ZNF708: variants seen among roughly 807,000 people sequenced by gnomAD.
ZNF708 encodes zinc finger protein 708.
In ZNF708, 44 loss-of-function variants were observed where a neutral mutation model predicts 47.0. The ratio of observed to expected loss-of-function variants is 0.94; its 90% CI spans 0.74 to 1.20. The LOEUF (loss-of-function observed/expected upper bound fraction) is 1.20, where lower values mean the gene tolerates loss of function less well. Ranked by LOEUF, ZNF708 falls within the 50% of genes most tolerant of loss-of-function variation. The pLI is 0.00. For missense variants in ZNF708, 557 were observed against 656.0 expected, an observed-to-expected ratio of 0.85 and a Z score of 1.65; for synonymous variants, 184 against 218.5, an observed-to-expected ratio of 0.84 and a Z score of 1.39.
At position 21,298,478 on chromosome 19, in the gene ZNF708, G is replaced by A. The variant is rs112513457; in HGVS notation, c.227-3739C>T. Among the ~76,000 whole-genome samples the A allele has an allele frequency of 6.6e-3, 992 of 150,758 alleles. 19 individuals carry two copies. The highest frequency in any genetic ancestry group is 0.022 in the African/African-American group (913 of 40,996). On this transcript the variant is annotated intron_variant, in intron 3 of 3. Transcript: ENST00000356929. Reference sequence around the variant, plus strand: ...TGTGTAGATGTCCATGCTGCTGAATGTAATCTAGAGATTTAATGTAATGTC... The same window carrying A: ...TGTGTAGATGTCCATGCTGCTGAATATAATCTAGAGATTTAATGTAATGTC...
intron 1 of ZNF708, among the ~76,000 whole-genome samples, chr19:21,314,391 G>GTATTAT (rs78560009): frequency 6.6e-6 from 1 of 151,940 alleles, no homozygotes; most frequent in African/African-American, 2.4e-5. Flanking sequence ...AGATAAATAT[G>GTATTAT]TATTATTAGC....
At position 21,297,513 on chromosome 19, in the gene ZNF708, A is replaced by G. The variant is rs536947185; in HGVS notation, c.227-2774T>C. Among the ~76,000 whole-genome samples, 124 of 151,482 alleles carry G rather than the reference A, an allele frequency of 8.2e-4. 1 individual carries two copies. Among genetic ancestry groups the G allele is most frequent in the African/African-American group, 2.7e-3 (114 of 41,462 alleles). On this transcript the variant is annotated intron_variant, in intron 3 of 3. Transcript: ENST00000356929. Reference sequence around the variant, plus strand: ...GAAAATAAGAAAGAAGTGAAAGCATATTAATACAAAAACCAAAGGACACAA... The same window carrying G: ...GAAAATAAGAAAGAAGTGAAAGCATGTTAATACAAAAACCAAAGGACACAA...
In ZNF708 at chr19:21,297,960, A is replaced by AGTGT. The variant is rs66590988; in HGVS notation, c.227-3225_227-3222dup. On this transcript the variant is annotated intron_variant, in intron 3 of 3. Transcript: ENST00000356929. ...TTTCATTTACTGGGAACAAATGACT[A>AGTGT]GTGTGTGTGTGTGTGTGTGTGTGTG... Among the ~76,000 whole-genome samples the AGTGT allele has an allele frequency of 5.3e-3, 800 of 149,944 alleles. 4 individuals carry two copies. The highest frequency in any genetic ancestry group is 9.6e-3 in the African/African-American group (392 of 40,956).
rs1228846162 is a variant in ZNF708, at chr19:21,293,142, A to G, written c.*132T>C. On this transcript the variant is annotated 3_prime_UTR_variant, in exon 4 of 4. Coordinates refer to ENST00000356929, the MANE Select transcript of ZNF708 (RefSeq NM_021269.3). ...GTAGGGTTTCTCTCTAGTATGAATT[A>G]TCTTTTGTTTCATAAGGATTAAGAG... The G allele has an allele frequency of 5.3e-6, 6 of 1,131,878 alleles. No homozygotes were observed. In the East Asian group the frequency reaches 1.4e-4, roughly 27 times the overall value. 70.1% of individuals were successfully genotyped at this position (1,131,878 alleles called of 1,614,324 possible). A position where few individuals can be genotyped will look rare whatever the true frequency, so the allele number is the denominator to read the frequency against.
intron 2 of ZNF708, among the ~76,000 whole-genome samples, chr19:21,310,227 C>A (rs1395674419): frequency 6.6e-6 from 1 of 151,774 alleles, no homozygotes; most frequent in Non-Finnish European, 1.5e-5. Flanking sequence ...CGGGCAGACC[C>A]TGAGGTCAGG....
At chr19:21,306,266 C>A (rs183775983) in intron 3 of ZNF708, among the ~76,000 whole-genome samples, 3 of 151,662 alleles carry the variant, frequency 2.0e-5, no homozygotes. Context: ...CACATCAAAA[C>A]AAAAATTCAA....
At chr19:21,308,707 C>A (rs535103293) in intron 3 of ZNF708, among the ~76,000 whole-genome samples, 1 of 152,070 alleles carries the variant, frequency 6.6e-6, no homozygotes, top group South Asian at 2.1e-4. Flanking sequence ...CACTGCCCCC[C>A]CAGCCAAAAC....
chr19:21,329,201 C>T lies in ZNF708; in HGVS notation c.3+9G>A, dbSNP rs759509895. ...TCCCCTCTCTCGGGATGTCGGACGGCACTCTCACCATTTCTAGGCTTCCAG... is the reference window on the plus strand; with the variant it reads ...TCCCCTCTCTCGGGATGTCGGACGGTACTCTCACCATTTCTAGGCTTCCAG... On this transcript the variant is annotated intron_variant, in intron 1 of 3. Transcript: ENST00000356929. The T allele has an allele frequency of 6.2e-7, 1 of 1,612,224 alleles. No individual in the cohort carries two copies. Among genetic ancestry groups the T allele is most frequent in the South Asian group, 1.1e-5 (1 of 91,064 alleles).
chr19:21,307,343 T>C (rs1972804851), intron 3 of ZNF708, among the ~76,000 whole-genome samples: 1 of 151,828 alleles, frequency 6.6e-6, no homozygotes, highest in South Asian at 2.1e-4. Context: ...AAGAAGATCT[T>C]GTCTGGGCGA....
Position 21,294,226 on chromosome 19 carries a change from G to A in ZNF708, c.740C>T (p.Thr247Ile), listed in dbSNP as rs765031857. ...TTCACATTTGTAGAGTTTCTCTCCAGTATGAATTATCTTATGTCTAGTAAG... is the reference window on the plus strand; with the variant it reads ...TTCACATTTGTAGAGTTTCTCTCCAATATGAATTATCTTATGTCTAGTAAG... Reference protein sequence around the residue: ...STLTRHKIIHTGEKLYKCEEC... With the variant: ...STLTRHKIIHIGEKLYKCEEC... Residue 247 changes from threonine to isoleucine, a missense_variant, in exon 4 of 4, where the codon ACT becomes ATT. Physicochemically the swap from Thr to Ile is moderately conservative, Grantham distance 89. Transcript: ENST00000356929. The A allele has an allele frequency of 2.1e-5, 34 of 1,612,428 alleles. No individual in the cohort carries two copies. The Middle Eastern group carries it at 4.9e-4, about 23-fold the overall frequency.
intron 1 of ZNF708, among the ~76,000 whole-genome samples, chr19:21,313,956 T>C (rs1029682030): frequency 1.3e-5 from 2 of 151,560 alleles, no homozygotes; most frequent in African/African-American, 4.9e-5. Context: ...TTGGTTTTAA[T>C]AAAAAATTAA....
chr19:21,327,425 G>A (rs1312872949), intron 1 of ZNF708, among the ~76,000 whole-genome samples: 4 of 151,866 alleles, frequency 2.6e-5, no homozygotes, highest in Non-Finnish European at 4.4e-5. Flanking sequence ...CCAGCTACTC[G>A]GGTGGCTGAG....
intron 1 of ZNF708, among the ~76,000 whole-genome samples, chr19:21,325,133 G>A (rs537101479): frequency 9.2e-5 from 14 of 152,176 alleles, no homozygotes; most frequent in Admixed American, 3.3e-4. Context: ...TTGTGAAAAT[G>A]ACCATACTGC....
intron 1 of ZNF708, among the ~76,000 whole-genome samples, chr19:21,327,544 AAAAG>A (rs1973287361): frequency 2.6e-5 from 4 of 151,360 alleles, no homozygotes; most frequent in Admixed American, 6.6e-5. Flanking sequence ...AAAAAAAAAA[AAAAG>A]AAAAGAAAGA....
intron 1 of ZNF708, among the ~76,000 whole-genome samples, chr19:21,327,543 A>AG (rs1973287261): frequency 6.6e-6 from 1 of 151,276 alleles, no homozygotes; most frequent in African/African-American, 2.4e-5. Context: ...AAAAAAAAAA[A>AG]AAAAGAAAAG....
At chr19:21,308,266 A>T (rs1286764117) in intron 3 of ZNF708, among the ~76,000 whole-genome samples, 1 of 151,832 alleles carries the variant, frequency 6.6e-6, no homozygotes, top group Non-Finnish European at 1.5e-5. Context: ...AATTTACATG[A>T]AACTATAATA....
intron 1 of ZNF708, 118 bp downstream of exon 1, chr19:21,329,092 G>A: frequency 6.8e-7 from 1 of 1,465,666 alleles, no homozygotes; most frequent in Non-Finnish European, 9.5e-7. Flanking sequence ...TAGGCAAGGA[G>A]AACTCGGAGC....
chr19:21,295,777 T>C (rs933894305), intron 3 of ZNF708, among the ~76,000 whole-genome samples: 4 of 152,122 alleles, frequency 2.6e-5, no homozygotes, highest in Non-Finnish European at 5.9e-5. Flanking sequence ...GTAGCTTGTT[T>C]TTAATGTTTA....
In ZNF708 at chr19:21,329,269, G is replaced by A. The variant is rs1973327656; in HGVS notation, c.-57C>T. ...GCTGTGGATCTCCCAATACCTGCAG[G>A]TCACAGAGCCACAGAGTCTGGGCCT... On this transcript the variant is annotated 5_prime_UTR_variant, in exon 1 of 4. Coordinates refer to ENST00000356929, the MANE Select transcript of ZNF708 (RefSeq NM_021269.3). 1.9e-6 allele frequency: 3 copies of A among 1,606,414 alleles called. No homozygotes were observed. The highest frequency in any genetic ancestry group is 1.7e-6 in the Non-Finnish European group (2 of 1,174,674).
Sources: gnomAD v4.1 joint callset for allele counts (sites outside exome capture counted in the v4.1 genomes callset) on GRCh38, gnomAD v4.1.1 for gene constraint, MANE v1.5 for transcripts, NCBI Gene and HGNC (gene_info 2026-07-23, HGNC 2026-07-21) for gene names.